The following ABCE1 variants were observed in gnomAD, a reference collection of about 807,000 sequenced individuals.
ABCE1 encodes ATP-binding cassette sub-family E member 1.
A neutral mutation model predicts 83.4 loss-of-function variants in ABCE1; 22 were observed. That is an observed-to-expected ratio of 0.26 (90% CI 0.19 to 0.38). ABCE1 has a LOEUF of 0.38. ABCE1 is among the 10% of genes least tolerant of loss of function. The pLI, the probability that ABCE1 is intolerant of heterozygous loss-of-function variation, is 1.00. For synonymous variants in ABCE1, 204 were observed against 233.7 expected (o/e 0.87, Z 1.16); for missense variants, 330 against 721.9 (o/e 0.46, Z 6.22).
chr4:145,119,279 AC>A (rs1749680368), intron 10 of ABCE1, among the ~76,000 whole-genome samples: 1 of 151,918 alleles, frequency 6.6e-6, no homozygotes, highest in African/African-American at 2.4e-5. Flanking sequence ...TTTCTCAAAT[AC>A]GCTTTTCATT....
At chr4:145,105,767 A>C (rs780753677) in intron 3 of ABCE1, 77 bp downstream of exon 3, 14 of 1,029,762 alleles carry the variant, frequency 1.4e-5, no homozygotes, top group Non-Finnish European at 2.0e-5. Context: ...CTATGCTATA[A>C]CTACTTTAAG....
intron 5 of ABCE1, among the ~76,000 whole-genome samples, 190 bp from the exon 6 acceptor site, chr4:145,109,913 A>G (rs1213157531): frequency 2.0e-5 from 3 of 152,100 alleles, no homozygotes; most frequent in Non-Finnish European, 2.9e-5. Flanking sequence ...GAATAACATA[A>G]TATCTGTTCT....
chr4:145,121,903 AT>A (rs1749758262), intron 13 of ABCE1: 1 of 152,412 alleles, frequency 6.6e-6, no homozygotes, highest in Non-Finnish European at 1.5e-5. Flanking sequence ...GATGTTTGTC[AT>A]CTTTTTGCTA....
chr4:145,127,708 T>C lies in ABCE1; in HGVS notation c.*135T>C. ...GAAGTATAATATACTTAATATAACA[T>C]AAAAAGCCAGTTGGGTTCTAAATTG... is the stretch of plus-strand genomic sequence containing the variant. On this transcript the variant is annotated 3_prime_UTR_variant, in exon 18 of 18. Coordinates refer to ENST00000296577, the MANE Select transcript of ABCE1 (RefSeq NM_002940.3). 1.7e-6 allele frequency: 1 copy of C among 588,670 alleles called. No homozygotes were observed. Among genetic ancestry groups the C allele is most frequent in the East Asian group, 3.5e-5 (1 of 28,190 alleles). The allele number at this position is 588,670 out of a possible 1,614,324, so 36.5% of individuals were successfully genotyped here.
At chr4:145,117,230 A>G in intron 9 of ABCE1, 63 bp from the exon 10 acceptor site, 1 of 1,414,060 alleles carries the variant, frequency 7.1e-7, no homozygotes, top group Non-Finnish European at 9.6e-7. Context: ...TCTTTTTCTG[A>G]AATTTCCAAC....
At chr4:145,117,198 C>G (rs1167884712) in intron 9 of ABCE1, 95 bp from the exon 10 acceptor site, 2 of 1,088,120 alleles carry the variant, frequency 1.8e-6, no homozygotes, top group Non-Finnish European at 1.3e-6. Flanking sequence ...TGTCTTTATG[C>G]TTAAATTTTA....
rs541130349 is a variant in ABCE1, at chr4:145,112,101, A to C, written c.711-138A>C. On this transcript the variant is annotated intron_variant, in intron 8 of 17. Transcript: ENST00000296577. ...TACAGAAATTTTTACCATTACAAGT[A>C]GACTCTTCATTACTATTGGAGATTT... 2.4e-5 allele frequency: 14 copies of C among 581,636 alleles called. 1 individual carries two copies. In the South Asian group the frequency reaches 4.0e-4, roughly 17 times the overall value. The allele number at this position is 581,636 out of a possible 1,614,324, so 36.0% of individuals were successfully genotyped here. A position where few individuals can be genotyped will look rare whatever the true frequency, so the allele number is the denominator to read the frequency against.
At chr4:145,127,434 A>T in intron 17 of ABCE1, 92 bp from the exon 18 acceptor site, 2 of 1,147,460 alleles carry the variant, frequency 1.7e-6, no homozygotes, top group Non-Finnish European at 2.5e-6. Flanking sequence ...CACTGTTTTA[A>T]GCACAGCTAA....
rs1439251606 is a variant in ABCE1 at position 145,110,156 on chromosome 4, A to G, written c.459A>G (p.Gln153=). Residue 153 remains glutamine, a synonymous_variant, in exon 6 of 18, where the codon CAA becomes CAG. Transcript: ENST00000296577. ...CTTATTTCCGTGGATCTGAATTACAAAATTACTTTACAAAGATTCTAGAAG... is the reference window on the plus strand; with the variant it reads ...CTTATTTCCGTGGATCTGAATTACAGAATTACTTTACAAAGATTCTAGAAG... The part of the protein sequence containing the change: ...ILTYFRGSEL[Q]NYFTKILEDD... 3 of 1,606,764 alleles carry G rather than the reference A, an allele frequency of 1.9e-6. No individual in the cohort carries two copies. The highest frequency in any genetic ancestry group is 1.3e-5 in the African/African-American group (1 of 74,484).
intron 9 of ABCE1, among the ~76,000 whole-genome samples, chr4:145,115,538 T>TA (rs997933783): frequency 6.6e-6 from 1 of 151,980 alleles, no homozygotes; most frequent in Non-Finnish European, 1.5e-5. Flanking sequence ...TTTCCATTGT[T>TA]ACTTTTTTTT....
At chr4:145,108,505 T>C (rs1382746313) in intron 4 of ABCE1, among the ~76,000 whole-genome samples, 3 of 152,232 alleles carry the variant, frequency 2.0e-5, no homozygotes, top group Non-Finnish European at 2.9e-5. Context: ...ATTAATCTTA[T>C]GATCTACAGA....
Position 145,098,361 on chromosome 4 carries a change from GA to G in ABCE1, c.-84del. 1 of 152,600 alleles carries G rather than the reference GA, an allele frequency of 6.6e-6. No homozygotes were observed. The highest frequency in any genetic ancestry group is 1.5e-5 in the Non-Finnish European group (1 of 68,224). 9.5% of individuals were successfully genotyped at this position (152,600 alleles called of 1,614,324 possible). On this transcript the variant is annotated 5_prime_UTR_variant, in exon 1 of 18. Transcript: ENST00000296577. Reference sequence around the variant, plus strand: ...AGAACACGCTGTGTGGCTGAAAAGTGAAGGCAAGAGCTGATTTGGCCTCTGT... The same window carrying G: ...AGAACACGCTGTGTGGCTGAAAAGTGAGGCAAGAGCTGATTTGGCCTCTGT...
chr4:145,118,015 A>T (rs1749649514), intron 10 of ABCE1, among the ~76,000 whole-genome samples: 1 of 151,764 alleles, frequency 6.6e-6, no homozygotes, highest in African/African-American at 2.4e-5. Context: ...TCCTTAAAAA[A>T]AAGTACCAAT....
chr4:145,123,719 A>G, intron 16 of ABCE1, 119 bp downstream of exon 16: 1 of 1,022,894 alleles, frequency 9.8e-7, no homozygotes, highest in Non-Finnish European at 1.4e-6. Context: ...TGATTCTGTG[A>G]CTCCTGAGAT....
At position 145,110,317 on chromosome 4, in the gene ABCE1, T is replaced by G. The variant is rs1749432280; in HGVS notation, c.544-58T>G. On this transcript the variant is annotated intron_variant, in intron 6 of 17. Transcript: ENST00000296577. ...TATATCAAAATAAACTTGTTTTACTTTGTGATTCTTTTTAATATTGAAAGA... is the reference window on the plus strand; with the variant it reads ...TATATCAAAATAAACTTGTTTTACTGTGTGATTCTTTTTAATATTGAAAGA... The G allele has an allele frequency of 2.5e-6, 4 of 1,601,206 alleles. No individual in the cohort carries two copies. In the Admixed American group the frequency reaches 6.9e-5, roughly 28 times the overall value.
rs1280233501 is a variant in ABCE1, at chr4:145,118,573, C to G, written c.922+1159C>G. Among the ~76,000 whole-genome samples the G allele has an allele frequency of 4.0e-5, 6 of 151,810 alleles. No individual in the cohort carries two copies. In the South Asian group the frequency reaches 6.2e-4, roughly 16 times the overall value. ...ACAAATATGTATTGAGTACCTTACT[C>G]TATACCATATGGTAGTCTTTGAATC... is the stretch of plus-strand genomic sequence containing the variant. On this transcript the variant is annotated intron_variant, in intron 10 of 17. Coordinates refer to ENST00000296577, the MANE Select transcript of ABCE1 (RefSeq NM_002940.3).
intron 8 of ABCE1, 100 bp downstream of exon 8, chr4:145,111,164 A>C: frequency 2.7e-6 from 2 of 730,486 alleles, no homozygotes; most frequent in Non-Finnish European, 4.4e-6. Flanking sequence ...AATTAATAGA[A>C]ATAGTATCTA....
At chr4:145,103,631 C>T (rs1172647779) in intron 1 of ABCE1, among the ~76,000 whole-genome samples, 1 of 152,146 alleles carries the variant, frequency 6.6e-6, no homozygotes, top group Non-Finnish European at 1.5e-5. Context: ...ATGTACACGA[C>T]GTGAAGTAAT....
chr4:145,118,294 T>G lies in ABCE1; in HGVS notation c.922+880T>G, dbSNP rs1314405814. On this transcript the variant is annotated intron_variant, in intron 10 of 17. Transcript: ENST00000296577. ...ATCTTGGAGGAATCTTTTTTATACC[T>G]AAAAGCTCTTTTGGAAAAATAAATT... is the stretch of plus-strand genomic sequence containing the variant. Among the ~76,000 whole-genome samples the G allele has an allele frequency of 4.0e-5, 6 of 150,574 alleles. No homozygotes were observed. The East Asian group carries it at 1.2e-3, about 29-fold the overall frequency.
Sources: allele counts gnomAD v4.1 joint callset (sites outside exome capture counted in the v4.1 genomes callset), GRCh38; gene constraint gnomAD v4.1.1; transcripts MANE v1.5; gene names NCBI Gene and HGNC (gene_info 2026-07-23, HGNC 2026-07-21).